Variants in KIAA0825 observed in about 807,000 individuals in gnomAD.
KIAA0825 encodes the protein KIAA0825, also known as uncharacterized protein KIAA0825.
A neutral mutation model predicts 147.6 loss-of-function variants in KIAA0825; 119 were observed. That is an observed-to-expected ratio of 0.81 (90% confidence interval 0.69 to 0.94). The LOEUF is 0.94. KIAA0825 is among the 40% of genes least tolerant of loss of function. The pLI, the probability that KIAA0825 is intolerant of heterozygous loss-of-function variation, is 0.00. For synonymous variants in KIAA0825, 470 were observed against 518.1 expected (o/e 0.91, Z 1.26); for missense variants, 1,381 against 1,472.7 (o/e 0.94, Z 1.02).
At chr5:94,503,310 T>C (rs1765311727) in intron 5 of KIAA0825, among the ~76,000 whole-genome samples, 1 of 152,142 alleles carries the variant, frequency 6.6e-6, no homozygotes, top group Admixed American at 6.6e-5. Flanking sequence ...GCAATCTCTA[T>C]TTTATCACTT....
chr5:94,187,402 GTT>G (rs34689731), intron 20 of KIAA0825, among the ~76,000 whole-genome samples: 15 of 105,694 alleles, frequency 1.4e-4, no homozygotes, highest in African/African-American at 5.0e-4. Context: ...AGAGAAAGGA[GTT>G]TTTTTTTTTT....
chr5:94,416,138 G>A (rs1753425173), intron 15 of KIAA0825: 1 of 152,124 alleles, frequency 6.6e-6, no homozygotes, highest in South Asian at 2.1e-4. Flanking sequence ...GGAATGCATG[G>A]CAACTAGGAG....
chr5:94,583,018 T>C (rs573898922), intron 1 of KIAA0825, among the ~76,000 whole-genome samples: 1 of 152,322 alleles, frequency 6.6e-6, no homozygotes, highest in Admixed American at 6.5e-5. Context: ...TTCTTCTGGG[T>C]GATCCTGTTA....
At chr5:94,332,639 G>A (rs1471795877) in intron 20 of KIAA0825, among the ~76,000 whole-genome samples, 1 of 152,084 alleles carries the variant, frequency 6.6e-6, no homozygotes, top group Non-Finnish European at 1.5e-5. Context: ...GGGCATTTGG[G>A]TTGGTTCCAA....
At chr5:94,374,739 G>A (rs926789296) in intron 20 of KIAA0825, among the ~76,000 whole-genome samples, 4 of 151,994 alleles carry the variant, frequency 2.6e-5, no homozygotes, top group Non-Finnish European at 5.9e-5. Context: ...ATCCTCCTTC[G>A]CCCTCACCTT....
rs534155769 is a variant in KIAA0825, at chr5:94,522,632, C to T, written c.300+1298G>A. Among the ~76,000 whole-genome samples the T allele has an allele frequency of 2.0e-5, 3 of 151,362 alleles. No individual in the cohort carries two copies. The South Asian group carries it at 6.2e-4, about 31-fold the overall frequency. On this transcript the variant is annotated intron_variant, in intron 4 of 20. Coordinates refer to ENST00000682413, the MANE Select transcript of KIAA0825 (RefSeq NM_001145678.3). ...GAAAAAAACAGATGTATGAAAAATG[C>T]CATCAGGACTGACATTTTTTAGCAT... is the stretch of plus-strand genomic sequence containing the variant.
chr5:94,584,068 A>G (rs1469897148), intron 1 of KIAA0825, among the ~76,000 whole-genome samples: 1 of 152,228 alleles, frequency 6.6e-6, no homozygotes, highest in Non-Finnish European at 1.5e-5. Context: ...TGATAAAACC[A>G]CAAAGATGGG....
At chr5:94,575,618 T>A (rs1164914235) in intron 2 of KIAA0825, among the ~76,000 whole-genome samples, 2 of 152,258 alleles carry the variant, frequency 1.3e-5, no homozygotes, top group Non-Finnish European at 2.9e-5. Context: ...AGCCAAAGTA[T>A]GGTTCTCCCT....
rs147842604 is a variant in KIAA0825 at position 94,604,481 on chromosome 5, C to T, written c.-153+14019G>A. On this transcript the variant is annotated intron_variant, in intron 1 of 20. Transcript: ENST00000682413. ...GGCAAAGGCAGGAAAATCACTTGAA[C>T]CCAGGAAGCGGAGGTTGCAGTGAGC... is the stretch of plus-strand genomic sequence containing the variant. Among the ~76,000 whole-genome samples the T allele has an allele frequency of 4.9e-4, 75 of 152,198 alleles. No individual in the cohort carries two copies. The East Asian group carries it at 0.013, about 27-fold the overall frequency.
chr5:94,178,543 G>T (rs35846197), intron 20 of KIAA0825, among the ~76,000 whole-genome samples: 3,808 of 151,818 alleles, frequency 0.025, 69 homozygotes, highest in Non-Finnish European at 0.039. Context: ...CTCTCAACTA[G>T]CTACAGTATG....
intron 20 of KIAA0825, among the ~76,000 whole-genome samples, chr5:94,295,150 A>T (rs1294290555): frequency 6.6e-6 from 1 of 151,700 alleles, no homozygotes; most frequent in South Asian, 2.1e-4. Context: ...TCTTGTCTTC[A>T]TGCTTTATTT....
At chr5:94,309,241 C>T (rs1402685218) in intron 20 of KIAA0825, among the ~76,000 whole-genome samples, 3 of 151,312 alleles carry the variant, frequency 2.0e-5, no homozygotes, top group Non-Finnish European at 4.4e-5. Flanking sequence ...TTCATTTTAG[C>T]CGAGGAGATA....
intron 20 of KIAA0825, among the ~76,000 whole-genome samples, chr5:94,312,704 T>C (rs1410322044): frequency 5.3e-5 from 8 of 151,720 alleles, no homozygotes; most frequent in Non-Finnish European, 1.2e-4. Flanking sequence ...GAAGATAGCA[T>C]CTTTCAAATT....
intron 20 of KIAA0825, among the ~76,000 whole-genome samples, chr5:94,285,158 A>G (rs753664306): frequency 3.9e-5 from 6 of 152,166 alleles, no homozygotes; most frequent in Non-Finnish European, 8.8e-5. Context: ...GGAGTACTGA[A>G]TTAACTATTG....
intron 20 of KIAA0825, among the ~76,000 whole-genome samples, chr5:94,298,062 T>C (rs7706373): frequency 0.21 from 30,968 of 149,014 alleles, 3,624 homozygotes; most frequent in Middle Eastern, 0.26. Flanking sequence ...CTGGCCAACA[T>C]AGTGAAAACC....
chr5:94,219,196 T>C (rs1197854621), intron 20 of KIAA0825, among the ~76,000 whole-genome samples: 1 of 152,188 alleles, frequency 6.6e-6, no homozygotes, highest in Non-Finnish European at 1.5e-5. Flanking sequence ...ATGTATATAT[T>C]ATTACGTGTA....
chr5:94,500,167 C>A (rs994455194), intron 5 of KIAA0825, among the ~76,000 whole-genome samples: 24 of 152,136 alleles, frequency 1.6e-4, no homozygotes, highest in Non-Finnish European at 2.8e-4. Context: ...GGAAGGCTTG[C>A]TTTCCAAAAC....
At chr5:94,356,168 T>TA (rs1240401214) in intron 20 of KIAA0825, among the ~76,000 whole-genome samples, 3 of 152,296 alleles carry the variant, frequency 2.0e-5, no homozygotes, top group South Asian at 4.1e-4. Context: ...TTCAATGTTT[T>TA]AAAAATTAAT....
At chr5:94,561,042 A>C (rs1229071073) in intron 2 of KIAA0825, among the ~76,000 whole-genome samples, 1 of 152,220 alleles carries the variant, frequency 6.6e-6, no homozygotes, top group East Asian at 1.9e-4. Flanking sequence ...GTCTAAAAAA[A>C]CCAACCATTT....
Sources: allele counts gnomAD v4.1 joint callset (sites outside exome capture counted in the v4.1 genomes callset), GRCh38; gene constraint gnomAD v4.1.1; transcripts MANE v1.5; gene names NCBI Gene and HGNC (gene_info 2026-07-23, HGNC 2026-07-21).